Variants in EPHA5 observed in about 807,000 individuals in gnomAD.
EPHA5 encodes the protein ephrin type-A receptor 5.
A neutral mutation model predicts 105.0 loss-of-function variants in EPHA5; 60 were observed. The ratio of observed to expected loss-of-function variants is 0.57; its 90% CI spans 0.46 to 0.71. The LOEUF (loss-of-function observed/expected upper bound fraction) is 0.71. Ranked by LOEUF, EPHA5 falls within the 30% of genes least tolerant of loss-of-function variation. The pLI, the probability that EPHA5 is intolerant of heterozygous loss-of-function variation, is 0.00. For synonymous variants in EPHA5, 513 were observed against 449.1 expected (o/e 1.14, Z -1.80); for missense variants, 1,218 against 1,274.7 (o/e 0.96, Z 0.68).
Position 65,574,361 on chromosome 4 carries a change from CA to C in EPHA5, c.910+27279del, listed in dbSNP as rs1047427174. The C allele has an allele frequency of 9.5e-3, 7,818 of 820,686 alleles. 6 individuals are homozygous for C. Among genetic ancestry groups the C allele is most frequent in the African/African-American group, 0.014 (708 of 49,754 alleles). The allele number at this position is 820,686 out of a possible 1,614,324, so 50.8% of individuals were successfully genotyped here. A position where few individuals can be genotyped will look rare whatever the true frequency, so the allele number is the denominator to read the frequency against. ...AAGAACCTAATTAAATAGCTGACTA[CA>C]AAAAAAAAATAATAATAATAAAAAA... On this transcript the variant is annotated intron_variant, in intron 3 of 16. Coordinates refer to ENST00000613740, the MANE Select transcript of EPHA5 (RefSeq NM_001281766.3).
At chr4:65,579,375 T>A (rs866724993) in intron 3 of EPHA5, among the ~76,000 whole-genome samples, 61 of 146,540 alleles carry the variant, frequency 4.2e-4, no homozygotes, top group African/African-American at 1.4e-3. Flanking sequence ...TATATATATA[T>A]AAATATATAT....
At chr4:65,386,148 G>A (rs1021129476) in intron 8 of EPHA5, among the ~76,000 whole-genome samples, 3 of 151,792 alleles carry the variant, frequency 2.0e-5, no homozygotes, top group Non-Finnish European at 4.4e-5. Flanking sequence ...CAATAATATA[G>A]CTCTGTTCTG....
Position 65,599,860 on chromosome 4 carries a change from C to T in EPHA5, c.910+1781G>A, listed in dbSNP as rs567530525. ...AAGACTGCATTGCATTCTGTCAGAA[C>T]GCTGCCTCCCAGGATTTTTGTGACT... On this transcript the variant is annotated intron_variant, in intron 3 of 16. Transcript: ENST00000613740. 6.6e-5 allele frequency among the ~76,000 whole-genome samples: 10 copies of T among 152,244 alleles called. No individual in the cohort carries two copies. The East Asian group carries it at 1.7e-3, about 27-fold the overall frequency.
At chr4:65,481,368 G>GA (rs1264870476) in intron 5 of EPHA5, among the ~76,000 whole-genome samples, 1 of 152,048 alleles carries the variant, frequency 6.6e-6, no homozygotes, top group Non-Finnish European at 1.5e-5. Flanking sequence ...ATTGACTGAG[G>GA]AAAAAAGTTA....
intron 1 of EPHA5, among the ~76,000 whole-genome samples, chr4:65,649,140 T>C (rs1249919100): frequency 6.6e-6 from 1 of 152,140 alleles, no homozygotes; most frequent in Non-Finnish European, 1.5e-5. Flanking sequence ...AAAAGAAGAA[T>C]GAATATGGGG....
In EPHA5 at chr4:65,570,124, A is replaced by G. The variant is rs570838995; in HGVS notation, c.910+31517T>C. Among the ~76,000 whole-genome samples the G allele has an allele frequency of 2.0e-5, 3 of 151,746 alleles. No individual in the cohort carries two copies. In the South Asian group the frequency reaches 6.2e-4, roughly 31 times the overall value. On this transcript the variant is annotated intron_variant, in intron 3 of 16. Coordinates refer to ENST00000613740, the MANE Select transcript of EPHA5 (RefSeq NM_001281766.3). ...AGTAATTCCAACACTGTATGAGTTCAGAGAAGTTCTTCCCACTCCCAAGAT... is the reference window on the plus strand; with the variant it reads ...AGTAATTCCAACACTGTATGAGTTCGGAGAAGTTCTTCCCACTCCCAAGAT...
chr4:65,386,606 T>C (rs757640616), intron 8 of EPHA5, among the ~76,000 whole-genome samples: 9 of 151,934 alleles, frequency 5.9e-5, no homozygotes, highest in Non-Finnish European at 8.8e-5. Flanking sequence ...AGCAAAACAT[T>C]CATGACAAAG....
intron 6 of EPHA5, among the ~76,000 whole-genome samples, chr4:65,417,606 A>G (rs1053371696): frequency 3.3e-5 from 5 of 152,086 alleles, no homozygotes; most frequent in Non-Finnish European, 5.9e-5. Context: ...ATGTTTAGAA[A>G]CCTTTTTCCC....
intron 5 of EPHA5, among the ~76,000 whole-genome samples, chr4:65,453,082 T>C (rs1727220214): frequency 6.6e-6 from 1 of 152,182 alleles, no homozygotes; most frequent in Admixed American, 6.5e-5. Context: ...TTTGCTTCCA[T>C]GGATAATCAT....
rs1721157916 is a variant in EPHA5 at position 65,336,109 on chromosome 4, T to C, written c.2612A>G (p.Glu871Gly). 1 of 1,611,022 alleles carries C rather than the reference T, an allele frequency of 6.2e-7. No individual in the cohort carries two copies. Among genetic ancestry groups the C allele is most frequent in the African/African-American group, 1.3e-5 (1 of 74,684 alleles). Residue 871 changes from glutamate (E) to glycine (G), a missense_variant, in exon 15 of 17, where the codon GAG becomes GGG. Glu to Gly is a moderately conservative substitution (Grantham distance 98, BLOSUM62 -2). Coordinates refer to ENST00000613740, the MANE Select transcript of EPHA5 (RefSeq NM_001281766.3). ...GGGGCTTGGCAGACGATAGCCTTCC[T>C]CTACCGCTTTAATCACCTGTATAAA... ...MTNQDVIKAV[E>G]EGYRLPSPMD... is the part of the protein sequence containing the mutation.
chr4:65,356,742 A>T (rs182428999), intron 11 of EPHA5, among the ~76,000 whole-genome samples: 1 of 151,548 alleles, frequency 6.6e-6, no homozygotes, highest in East Asian at 1.9e-4. Flanking sequence ...TTCAGGACCC[A>T]TTCGATTATT....
chr4:65,627,613 G>T lies in EPHA5; in HGVS notation c.246+15750C>A, dbSNP rs180989214. Among the ~76,000 whole-genome samples the T allele has an allele frequency of 2.6e-5, 4 of 152,180 alleles. No homozygotes were observed. In the East Asian group the frequency reaches 7.7e-4, roughly 29 times the overall value. ...GTGTAGTTTGAGCAGGAGAGAGAAA[G>T]ATAAAGACAGAAAGATATCTCATGA... On this transcript the variant is annotated intron_variant, in intron 2 of 16. Coordinates refer to ENST00000613740, the MANE Select transcript of EPHA5 (RefSeq NM_001281766.3).
chr4:65,468,790 G>A (rs1366128627), intron 5 of EPHA5, among the ~76,000 whole-genome samples: 1 of 150,256 alleles, frequency 6.7e-6, no homozygotes, highest in East Asian at 1.9e-4. Context: ...TTCACAAAAC[G>A]CTTATGAACT....
chr4:65,641,821 C>A (rs1156441833), intron 2 of EPHA5, among the ~76,000 whole-genome samples: 2 of 151,792 alleles, frequency 1.3e-5, no homozygotes, highest in African/African-American at 4.8e-5. Context: ...AACAAATACA[C>A]CACTATATTA....
intron 8 of EPHA5, among the ~76,000 whole-genome samples, chr4:65,381,400 C>T (rs958956719): frequency 2.0e-5 from 3 of 151,498 alleles, no homozygotes; most frequent in Non-Finnish European, 4.4e-5. Flanking sequence ...ACATTCATTG[C>T]ATTATGGAAA....
intron 3 of EPHA5, among the ~76,000 whole-genome samples, chr4:65,539,650 G>T (rs997646775): frequency 1.5e-4 from 22 of 151,578 alleles, no homozygotes; most frequent in Non-Finnish European, 3.1e-4. Flanking sequence ...GTATATCAGA[G>T]AATAGTTTTT....
In EPHA5 at chr4:65,351,578, A is replaced by G. The variant is rs765320417; in HGVS notation, c.2256T>C (p.Thr752=). 3.7e-6 allele frequency: 6 copies of G among 1,613,512 alleles called. No homozygotes were observed. The part of the protein sequence containing the change: ...TFLKKNDGQF[T]VIQLVGMLRG... ...TCAGCATGCCAACAAGCTGAATCACAGTGAACTGCCCATCGTTTTTCTGTA... is the reference window on the plus strand; with the variant it reads ...TCAGCATGCCAACAAGCTGAATCACGGTGAACTGCCCATCGTTTTTCTGTA... The change falls in exon 13 of 17, where the codon ACT becomes ACC. Residue 752 remains threonine (T), a synonymous_variant. Coordinates refer to ENST00000613740, the MANE Select transcript of EPHA5 (RefSeq NM_001281766.3).
chr4:65,657,304 A>G (rs1749163362), intron 1 of EPHA5, among the ~76,000 whole-genome samples: 1 of 152,164 alleles, frequency 6.6e-6, no homozygotes, highest in African/African-American at 2.4e-5. Context: ...TAAAATTAAG[A>G]CATGCTTAAG....
At chr4:65,556,857 A>G (rs1289703967) in intron 3 of EPHA5, among the ~76,000 whole-genome samples, 1 of 152,078 alleles carries the variant, frequency 6.6e-6, no homozygotes, top group Non-Finnish European at 1.5e-5. Context: ...TATCCCAATT[A>G]TTGATGTTAG....
Sources: gnomAD v4.1 joint callset for allele counts (sites outside exome capture counted in the v4.1 genomes callset) on GRCh38, gnomAD v4.1.1 for gene constraint, MANE v1.5 for transcripts, NCBI Gene and HGNC (gene_info 2026-07-23, HGNC 2026-07-21) for gene names.